Variants in FARS2 observed in about 807,000 individuals in gnomAD.
FARS2 encodes the protein phenylalanine--tRNA ligase, mitochondrial.
In FARS2, 40 loss-of-function variants were observed where a neutral mutation model predicts 46.4. The observed-to-expected ratio is 0.86, with a 90% CI of 0.67 to 1.12. FARS2 has a LOEUF of 1.12. Among genes scored for constraint, FARS2 ranks in the 50% most tolerant of loss-of-function variants. FARS2 has a pLI of 0.00. For synonymous variants in FARS2, 234 were observed against 214.9 expected (o/e 1.09, Z -0.78); for missense variants, 513 against 567.9 (o/e 0.90, Z 0.98).
At chr6:5,672,379 A>G (rs1471780863) in intron 6 of FARS2, among the ~76,000 whole-genome samples, 1 of 152,138 alleles carries the variant, frequency 6.6e-6, no homozygotes, top group African/African-American at 2.4e-5. Flanking sequence ...TCTGCCTCTC[A>G]AGCCAGTGTT....
At chr6:5,582,904 G>T (rs1275814088) in intron 5 of FARS2, among the ~76,000 whole-genome samples, 1 of 152,194 alleles carries the variant, frequency 6.6e-6, no homozygotes, top group Non-Finnish European at 1.5e-5. Flanking sequence ...CTGCTTGAGT[G>T]TGTTTCCCTG....
intron 1 of FARS2, among the ~76,000 whole-genome samples, chr6:5,267,925 G>A (rs1765662324): frequency 6.6e-6 from 1 of 151,872 alleles, no homozygotes; most frequent in East Asian, 1.9e-4. Context: ...TCTCATTGTG[G>A]TTTTGATTTG....
At chr6:5,371,541 CTT>C (rs1285695633) in intron 2 of FARS2, among the ~76,000 whole-genome samples, 1 of 152,038 alleles carries the variant, frequency 6.6e-6, no homozygotes, top group Admixed American at 6.6e-5. Flanking sequence ...GGAAAAAAAT[CTT>C]TTGTATTTTG....
intron 5 of FARS2, 69 bp downstream of exon 5, chr6:5,545,409 A>G: frequency 8.6e-7 from 1 of 1,166,678 alleles, no homozygotes; most frequent in South Asian, 1.6e-5. Context: ...AGGATCATGT[A>G]CTTGAAAGCC....
chr6:5,561,010 A>G (rs1771949474), intron 5 of FARS2, among the ~76,000 whole-genome samples: 1 of 152,138 alleles, frequency 6.6e-6, no homozygotes. Flanking sequence ...TCATGCCTGT[A>G]ATCCCAGCTA....
intron 5 of FARS2, among the ~76,000 whole-genome samples, chr6:5,581,190 G>A (rs1048781183): frequency 2.0e-5 from 3 of 152,200 alleles, no homozygotes; most frequent in East Asian, 1.9e-4. Context: ...GCCCAGCACC[G>A]GTGATGGCTC....
chr6:5,372,950 G>C (rs1214622155), intron 2 of FARS2, among the ~76,000 whole-genome samples: 2 of 152,100 alleles, frequency 1.3e-5, no homozygotes, highest in East Asian at 3.8e-4. Flanking sequence ...TGGGTGTATA[G>C]TCTTTGAATA....
intron 5 of FARS2, among the ~76,000 whole-genome samples, chr6:5,560,098 TGAG>T (rs1331547280): frequency 1.3e-5 from 2 of 152,166 alleles, no homozygotes; most frequent in Non-Finnish European, 2.9e-5. Context: ...TAAATTGAAT[TGAG>T]GAGATCGAAC....
intron 4 of FARS2, among the ~76,000 whole-genome samples, chr6:5,454,973 GTCTT>G (rs2150280746): frequency 6.6e-6 from 1 of 152,288 alleles, no homozygotes; most frequent in African/African-American, 2.4e-5. Flanking sequence ...TTGTGATTAT[GTCTT>G]TATTTAATGT....
rs1282108396 is a variant in FARS2 at position 5,368,603 on chromosome 6, T to C, written c.33T>C (p.His11=). MVGSALRRGA[H]AYVYLVSKAS... Reference sequence around the variant, plus strand: ...GCTCAGCTCTCAGGAGAGGTGCCCATGCATATGTCTACCTGGTGAGTAAGG... The same window carrying C: ...GCTCAGCTCTCAGGAGAGGTGCCCACGCATATGTCTACCTGGTGAGTAAGG... The change falls in exon 2 of 7, where the codon CAT becomes CAC. Residue 11 remains histidine, a synonymous_variant. Transcript: ENST00000274680. 2.5e-6 allele frequency: 4 copies of C among 1,613,610 alleles called. No homozygotes were observed. Among genetic ancestry groups the C allele is most frequent in the Non-Finnish European group, 1.7e-6 (2 of 1,179,782 alleles).
chr6:5,605,128 A>G (rs1359825383), intron 5 of FARS2, among the ~76,000 whole-genome samples: 1 of 152,160 alleles, frequency 6.6e-6, no homozygotes, highest in African/African-American at 2.4e-5. Flanking sequence ...AAAAAGCGAA[A>G]ATGAAAAAGT....
At chr6:5,733,870 G>A (rs933881328) in intron 6 of FARS2, among the ~76,000 whole-genome samples, 7 of 152,132 alleles carry the variant, frequency 4.6e-5, no homozygotes, top group Non-Finnish European at 7.3e-5. Flanking sequence ...TAGCCTCTCT[G>A]GACTTCGTTT....
rs542606005 is a variant in FARS2 at position 5,341,084 on chromosome 6, G to A, written c.-21-27466G>A. On this transcript the variant is annotated intron_variant, in intron 1 of 6. Coordinates refer to ENST00000274680, the MANE Select transcript of FARS2 (RefSeq NM_006567.5). ...AATCGCTTGAACCAGGGAGGCGGAG[G>A]TTGCAGTGAGCCGAGATCGTGCTGC... is the stretch of plus-strand genomic sequence containing the variant. 2.1e-4 allele frequency among the ~76,000 whole-genome samples: 32 copies of A among 149,724 alleles called. No individual in the cohort carries two copies. The South Asian group carries it at 6.8e-3, about 32-fold the overall frequency.
chr6:5,695,040 C>T (rs990622357), intron 6 of FARS2: 1 of 152,274 alleles, frequency 6.6e-6, no homozygotes, highest in East Asian at 1.9e-4. Flanking sequence ...ATATAAATGC[C>T]ATGTAAGCTT....
intron 4 of FARS2, among the ~76,000 whole-genome samples, chr6:5,496,636 C>CA (rs1248195281): frequency 6.6e-6 from 1 of 152,178 alleles, no homozygotes; most frequent in Non-Finnish European, 1.5e-5. Flanking sequence ...CCTGTGTCCT[C>CA]ACATGGTCTT....
intron 2 of FARS2, among the ~76,000 whole-genome samples, chr6:5,403,105 CA>C (rs1311400449): frequency 6.6e-6 from 1 of 152,162 alleles, no homozygotes; most frequent in Non-Finnish European, 1.5e-5. Flanking sequence ...TTAGAGGAAG[CA>C]TTGACAGCCG....
At chr6:5,358,550 G>A (rs73367048) in intron 1 of FARS2, among the ~76,000 whole-genome samples, 8,435 of 152,130 alleles carry the variant, frequency 0.055, 271 homozygotes, top group Middle Eastern at 0.14. Flanking sequence ...TTATTGAGAG[G>A]ATTTTTTTCC....
chr6:5,412,386 C>T (rs750941560), intron 3 of FARS2, among the ~76,000 whole-genome samples: 12 of 152,214 alleles, frequency 7.9e-5, no homozygotes, highest in Non-Finnish European at 1.5e-4. Context: ...GACTGTAGTT[C>T]GTTGACTTCT....
At chr6:5,504,870 G>A (rs188087824) in intron 4 of FARS2, among the ~76,000 whole-genome samples, 17 of 151,790 alleles carry the variant, frequency 1.1e-4, no homozygotes, top group Admixed American at 7.2e-4. Context: ...CTGTTACCCC[G>A]GCTGGAGGGC....
Sources: gnomAD v4.1 joint callset for allele counts (sites outside exome capture counted in the v4.1 genomes callset) on GRCh38, gnomAD v4.1.1 for gene constraint, MANE v1.5 for transcripts, NCBI Gene and HGNC (gene_info 2026-07-23, HGNC 2026-07-21) for gene names.